COA1: variants seen among roughly 807,000 people sequenced by gnomAD.
The protein encoded by COA1 is cytochrome c oxidase assembly factor 1 homolog.
Under a neutral mutation model 16.0 loss-of-function variants are expected in COA1, and 13 were observed. The ratio of observed to expected loss-of-function variants is 0.81; its 90% confidence interval spans 0.53 to 1.29. The LOEUF (loss-of-function observed/expected upper bound fraction) is 1.29. Among genes scored for constraint, COA1 ranks in the 50% most tolerant of loss-of-function variants. The probability of loss-of-function intolerance (pLI) is 0.00; values close to 1 mark genes in which losing one functional copy is unlikely to be tolerated. For synonymous variants in COA1, 65 were observed against 65.7 expected (o/e 0.99, Z 0.05); for missense variants, 179 against 177.0 (o/e 1.01, Z -0.06).
chr7:43,691,251 A>G (rs58043011), intron 1 of COA1, among the ~76,000 whole-genome samples: 64,888 of 113,820 alleles, frequency 0.57, 18,751 homozygotes, highest in African/African-American at 0.76. Context: ...CTTGACTCAA[A>G]AAAAGAAAGA....
chr7:43,623,361 A>G (rs543366099), intron 6 of COA1: 6 of 527,900 alleles, frequency 1.1e-5, no homozygotes, highest in South Asian at 1.0e-4. Flanking sequence ...GGACTCAACA[A>G]TGGTGGGTAG....
intron 1 of COA1, among the ~76,000 whole-genome samples, chr7:43,652,423 T>C (rs2090997530): frequency 1.3e-5 from 2 of 152,100 alleles, no homozygotes; most frequent in Non-Finnish European, 2.9e-5. Flanking sequence ...TCATGAAAGG[T>C]AGATATTATT....
chr7:43,613,521 C>A (rs1359534954), intron 6 of COA1, among the ~76,000 whole-genome samples: 2 of 152,088 alleles, frequency 1.3e-5, no homozygotes, highest in African/African-American at 4.8e-5. Context: ...ACTAACTTTT[C>A]CACCCAGTTA....
In COA1 at chr7:43,683,572, T is replaced by C. The variant is rs2093873789; in HGVS notation, c.-38-34920A>G. On this transcript the variant is annotated intron_variant, in intron 1 of 5. Transcript: ENST00000223336. ...TGGCATGAACCTGGGAGGTGAAGTT[T>C]GCAGTGAGTCAAGATTGCGCCACTG... 7.2e-5 allele frequency among the ~76,000 whole-genome samples: 11 copies of C among 152,182 alleles called. 1 individual carries two copies. The South Asian group carries it at 2.3e-3, about 32-fold the overall frequency.
chr7:43,619,415 G>A (rs952960737), intron 6 of COA1, among the ~76,000 whole-genome samples: 1 of 152,130 alleles, frequency 6.6e-6, no homozygotes, highest in Non-Finnish European at 1.5e-5. Flanking sequence ...AAATACAAGA[G>A]AGTACAGGCC....
intron 4 of COA1, chr7:43,642,059 A>G (rs1388232473): frequency 6.6e-6 from 1 of 152,204 alleles, no homozygotes; most frequent in Non-Finnish European, 1.5e-5. Flanking sequence ...ACTGAGGTAC[A>G]CATTTGTGCT....
At chr7:43,698,579 C>T (rs149316887) in intron 1 of COA1, among the ~76,000 whole-genome samples, 180 of 152,256 alleles carry the variant, frequency 1.2e-3, no homozygotes, top group African/African-American at 4.2e-3. Context: ...TATACATAAC[C>T]ATAGTAAAGG....
At chr7:43,671,784 G>C (rs1253835136) in intron 1 of COA1, among the ~76,000 whole-genome samples, 1 of 152,094 alleles carries the variant, frequency 6.6e-6, no homozygotes, top group Non-Finnish European at 1.5e-5. Flanking sequence ...CCCCCATGCT[G>C]TTCTCGTGAT....
intron 1 of COA1, chr7:43,659,007 T>C (rs2092139530): frequency 6.6e-6 from 1 of 152,300 alleles, no homozygotes; most frequent in Admixed American, 6.5e-5. Flanking sequence ...GCTGAAGGTT[T>C]CAATCAGGAA....
chr7:43,726,119 C>T (rs944283135), intron 1 of COA1, among the ~76,000 whole-genome samples: 2 of 152,084 alleles, frequency 1.3e-5, no homozygotes, highest in African/African-American at 4.8e-5. Context: ...AAATCTAATG[C>T]AGCATATGAA....
chr7:43,690,303 A>G (rs2094213688), intron 1 of COA1, among the ~76,000 whole-genome samples: 1 of 152,202 alleles, frequency 6.6e-6, no homozygotes, highest in Non-Finnish European at 1.5e-5. Flanking sequence ...TTGCACAAAC[A>G]TAGTTTATAT....
intron 1 of COA1, among the ~76,000 whole-genome samples, chr7:43,725,608 C>G (rs1667469030): frequency 6.6e-6 from 1 of 152,126 alleles, no homozygotes; most frequent in Non-Finnish European, 1.5e-5. Flanking sequence ...CCTATAACCC[C>G]AGCACTTTAG....
intron 1 of COA1, among the ~76,000 whole-genome samples, chr7:43,676,513 C>T (rs1207996275): frequency 6.6e-6 from 1 of 152,174 alleles, no homozygotes; most frequent in Non-Finnish European, 1.5e-5. Context: ...ACCACCACAT[C>T]TTCACTCATG....
At chr7:43,717,800 T>C (rs575189641) in intron 1 of COA1, among the ~76,000 whole-genome samples, 369 of 152,340 alleles carry the variant, frequency 2.4e-3, no homozygotes, top group African/African-American at 8.7e-3. Context: ...GGGAGATAAC[T>C]GAATCATGGG....
chr7:43,643,151 G>A (rs927836589), intron 4 of COA1, among the ~76,000 whole-genome samples: 12 of 152,184 alleles, frequency 7.9e-5, no homozygotes, highest in African/African-American at 2.9e-4. Flanking sequence ...GGAAGCCCAG[G>A]AAGGCGCCCT....
intron 4 of COA1, among the ~76,000 whole-genome samples, chr7:43,642,578 A>C (rs1039976452): frequency 6.6e-6 from 1 of 152,230 alleles, no homozygotes; most frequent in African/African-American, 2.4e-5. Context: ...CTTTAAAAAA[A>C]AATTTAAAAA....
At chr7:43,617,142 C>T (rs80282573) in intron 6 of COA1, among the ~76,000 whole-genome samples, 3,429 of 150,640 alleles carry the variant, frequency 0.023, 112 homozygotes, top group African/African-American at 0.079. Flanking sequence ...TTCATGGAGC[C>T]GGGGGATCAT....
chr7:43,700,529 G>GATAT (rs142644587), intron 1 of COA1, among the ~76,000 whole-genome samples: 94 of 142,690 alleles, frequency 6.6e-4, no homozygotes, highest in African/African-American at 1.9e-3. Context: ...AATGTAGGCA[G>GATAT]ATATATATAT....
At chr7:43,662,861 A>T (rs932868436) in intron 1 of COA1, among the ~76,000 whole-genome samples, 2 of 152,192 alleles carry the variant, frequency 1.3e-5, no homozygotes, top group Admixed American at 6.5e-5. Flanking sequence ...GAACCAAGAG[A>T]CCCAAGGTCT....
Sources: allele counts gnomAD v4.1 joint callset (sites outside exome capture counted in the v4.1 genomes callset), GRCh38; gene constraint gnomAD v4.1.1; transcripts MANE v1.5; gene names NCBI Gene and HGNC (gene_info 2026-07-23, HGNC 2026-07-21).